SLC5A9: variants seen among roughly 807,000 people sequenced by gnomAD.
The protein encoded by SLC5A9 is solute carrier family 5 member 9, also known as sodium/glucose cotransporter 4.
A neutral mutation model predicts 70.9 loss-of-function variants in SLC5A9; 59 were observed. The observed-to-expected ratio is 0.83, with a 90% CI of 0.68 to 1.03. The LOEUF is 1.03. Ranked by LOEUF, SLC5A9 falls within the 50% of genes least tolerant of loss-of-function variation. The pLI, the probability that SLC5A9 is intolerant of heterozygous loss-of-function variation, is 0.00. For synonymous variants in SLC5A9, 340 were observed against 346.5 expected, an observed-to-expected ratio of 0.98 and a Z score of 0.21; for missense variants, 832 against 881.1, an observed-to-expected ratio of 0.94 and a Z score of 0.71.
rs766963227 is a variant in SLC5A9 at position 48,237,780 on chromosome 1, G to A, written c.1394G>A (p.Ser465Asn). 3 of 1,614,148 alleles carry A rather than the reference G, an allele frequency of 1.9e-6. No individual in the cohort carries two copies. The highest frequency in any genetic ancestry group is 2.5e-6 in the Non-Finnish European group (3 of 1,180,036). Reference sequence around the variant, plus strand: ...TTCGACTACATCCAGGCTGTCACCAGTTACCTGGCCCCACCCATCACCGCT... The same window carrying A: ...TTCGACTACATCCAGGCTGTCACCAATTACCTGGCCCCACCCATCACCGCT... ...QLFDYIQAVT[S>N]YLAPPITALF... The change falls in exon 11 of 14, where the codon AGT (serine) becomes AAT (asparagine). Residue 465 changes from serine (S) to asparagine (N), a missense_variant. Ser to Asn is a conservative substitution (Grantham distance 46). Coordinates refer to ENST00000438567, the MANE Select transcript of SLC5A9 (RefSeq NM_001011547.3).
chr1:48,242,333 G>C (rs935779912), intron 12 of SLC5A9, 124 bp from the exon 13 acceptor site: 11 of 1,178,596 alleles, frequency 9.3e-6, no homozygotes, highest in Admixed American at 4.6e-5. Flanking sequence ...CTGACTCCCA[G>C]CCCTGGCCTT....
intron 1 of SLC5A9, 99 bp from the exon 2 acceptor site, chr1:48,224,625 A>T: frequency 8.4e-7 from 1 of 1,194,772 alleles, no homozygotes; most frequent in Non-Finnish European, 1.2e-6. Flanking sequence ...CTGTGTCCCC[A>T]CAGTGCCTGC....
At chr1:48,230,773 G>A in intron 5 of SLC5A9, 68 bp downstream of exon 5, 1 of 1,185,350 alleles carries the variant, frequency 8.4e-7, no homozygotes, top group Non-Finnish European at 1.2e-6. Context: ...AAGACTGAAG[G>A]AGAGACAACC....
chr1:48,224,668 A>T, intron 1 of SLC5A9, 56 bp from the exon 2 acceptor site: 1 of 1,560,494 alleles, frequency 6.4e-7, no homozygotes, highest in Non-Finnish European at 8.8e-7. Flanking sequence ...GGGAGGGGGC[A>T]GGGCAGAGGT....
chr1:48,231,771 G>A, intron 6 of SLC5A9, 146 bp downstream of exon 6: 1 of 1,506,648 alleles, frequency 6.6e-7, no homozygotes, highest in Non-Finnish European at 8.9e-7. Context: ...CTCCCAAAGA[G>A]CAGGGTTCTC....
chr1:48,230,557 G>T, intron 4 of SLC5A9, 43 bp from the exon 5 acceptor site: 3 of 1,417,128 alleles, frequency 2.1e-6, no homozygotes, highest in South Asian at 1.1e-5. Context: ...ACCCTACTGA[G>T]GGCCTCGGGT....
intron 2 of SLC5A9, chr1:48,228,016 C>T (rs1644189988): frequency 1.3e-5 from 2 of 152,244 alleles, no homozygotes; most frequent in African/African-American, 2.4e-5. Flanking sequence ...CCTTCCTCTC[C>T]CCCTTCTCCC....
chr1:48,237,590 T>A, intron 10 of SLC5A9, 89 bp from the exon 11 acceptor site: 1 of 1,305,160 alleles, frequency 7.7e-7, no homozygotes. Context: ...CCCTTCTTTC[T>A]CCCTTCCTGG....
At chr1:48,243,785 A>T (rs1039707027) in intron 13 of SLC5A9, among the ~76,000 whole-genome samples, 12 of 152,226 alleles carry the variant, frequency 7.9e-5, no homozygotes, top group Non-Finnish European at 4.4e-5. Context: ...AATTCCAAAA[A>T]GTTAAATAAG....
chr1:48,233,360 CAAAAAAAAAAAAAA>C (rs1157245912), intron 8 of SLC5A9, among the ~76,000 whole-genome samples: 1 of 58,714 alleles, frequency 1.7e-5, no homozygotes, highest in Non-Finnish European at 2.8e-5. Context: ...GACTCCATCT[CAAAAAAAAAAAAAA>C]AAAAAAAAAA....
At position 48,235,659 on chromosome 1, in the gene SLC5A9, C is replaced by T. The variant is rs1644315320; in HGVS notation, c.1142-70C>T. The T allele has an allele frequency of 5.7e-6, 9 of 1,579,124 alleles. No individual in the cohort carries two copies. The South Asian group carries it at 6.8e-5, about 12-fold the overall frequency. ...CTCCTGACTCTACAGAATGCTCCAG[C>T]AGCCTCTGTAGTCCTGGAAGAGCCG... On this transcript the variant is annotated intron_variant, in intron 9 of 13. Coordinates refer to ENST00000438567, the MANE Select transcript of SLC5A9 (RefSeq NM_001011547.3).
Position 48,222,842 on chromosome 1 carries a change from TACG to T in SLC5A9, c.109_111del (p.Asp37del), listed in dbSNP as rs1182629314. 1 of 1,614,050 alleles carries T rather than the reference TACG, an allele frequency of 6.2e-7. No individual in the cohort carries two copies. Among genetic ancestry groups the T allele is most frequent in the Non-Finnish European group, 8.5e-7 (1 of 1,180,042 alleles). On this transcript the variant is annotated inframe_deletion, in exon 1 of 14. Transcript: ENST00000438567. The stretch of plus-strand genomic sequence containing the variant: ...GGACTCCAGAGTTGGTCTGCACGCC[TACG>T]ACATCAGCGTGGTGGTCATCTACTT...
At chr1:48,236,624 C>G (rs1310271127) in intron 10 of SLC5A9, among the ~76,000 whole-genome samples, 1 of 152,200 alleles carries the variant, frequency 6.6e-6, no homozygotes, top group East Asian at 1.9e-4. Context: ...CGAAGGTTCC[C>G]TAACTTGGAT....
intron 9 of SLC5A9, 135 bp downstream of exon 9, chr1:48,233,897 A>C: frequency 1.5e-6 from 1 of 666,454 alleles, no homozygotes; most frequent in Non-Finnish European, 2.7e-6. Flanking sequence ...CCATCCCAAC[A>C]CATACACACA....
In SLC5A9 at chr1:48,239,435, G is replaced by T; in HGVS notation, c.1575G>T (p.Leu525=). Residue 525 remains leucine (L), a synonymous_variant, in exon 12 of 14, where the codon CTG becomes CTT. Transcript: ENST00000438567. This position sits in a 1 kb window ranked among gnomAD's most constrained non-coding sequence, Gnocchi z 4.2. ...AGGTGGACCGGAGGCCAGCAGTGCT[G>T]AAGGACTTCCACTACCTGTACTTTG... ...CGEVDRRPAV[L]KDFHYLYFAI... The T allele has an allele frequency of 6.2e-7, 1 of 1,614,208 alleles. No individual in the cohort carries two copies.
rs1264812211 is a variant in SLC5A9, at chr1:48,222,779, G to A, written c.43G>A (p.Asp15Asn). Reference protein sequence around the residue: ...LAAMGPGASGDGVRTETAPHI... With the variant: ...LAAMGPGASGNGVRTETAPHI... Reference sequence around the variant, plus strand: ...AGCAATGGGGCCTGGAGCTTCAGGGGACGGGGTCAGGACTGAGACAGCTCC... The same window carrying A: ...AGCAATGGGGCCTGGAGCTTCAGGGAACGGGGTCAGGACTGAGACAGCTCC... Residue 15 changes from aspartate (D) to asparagine (N), a missense_variant, in exon 1 of 14, where the codon GAC becomes AAC. By Grantham distance (23) the Asp-to-Asn change is conservative. Transcript: ENST00000438567. 4 of 1,614,182 alleles carry A rather than the reference G, an allele frequency of 2.5e-6. No homozygotes were observed. The Admixed American group carries it at 6.7e-5, about 27-fold the overall frequency.
At chr1:48,232,643 T>G (rs115154824) in intron 8 of SLC5A9, 141 bp downstream of exon 8, 3 of 1,121,876 alleles carry the variant, frequency 2.7e-6, no homozygotes, top group Non-Finnish European at 2.5e-6. Context: ...TAGCCGGTCA[T>G]GGTGGCATGC....
Position 48,242,569 on chromosome 1 carries a change from G to A in SLC5A9, c.1790G>A (p.Gly597Glu). 6.2e-7 allele frequency: 1 copy of A among 1,613,352 alleles called. No individual in the cohort carries two copies. Among genetic ancestry groups the A allele is most frequent in the Non-Finnish European group, 8.5e-7 (1 of 1,179,670 alleles). Residue 597 changes from glycine (G) to glutamate (E), a missense_variant, in exon 13 of 14, where the codon GGA becomes GAA. By Grantham distance (98) the Gly-to-Glu change is moderately conservative. Coordinates refer to ENST00000438567, the MANE Select transcript of SLC5A9 (RefSeq NM_001011547.3). ...SERPAGECPA[G>E]GGAAENSSLG... ...AGGCCAGCCGGGGAGTGCCCTGCAG[G>A]AGGTGGAGCGGCAGAGAACTCGAGC...
rs1279999923 is a variant in SLC5A9 at position 48,233,725 on chromosome 1, T to G, written c.1104T>G (p.Ile368Met). 3 of 1,614,090 alleles carry G rather than the reference T, an allele frequency of 1.9e-6. No individual in the cohort carries two copies. The change falls in exon 9 of 14, where the codon ATT (isoleucine) becomes ATG (methionine). Residue 368 changes from isoleucine (I) to methionine (M), a missense_variant. Physicochemically the swap from Ile to Met is conservative, Grantham distance 10. Transcript: ENST00000438567. ...ICGARVGCSN[I>M]AYPKLVMALM... ...GGGCCCGAGTGGGATGTTCCAACATTGCCTACCCTAAGTTGGTCATGGCCC... is the reference window on the plus strand; with the variant it reads ...GGGCCCGAGTGGGATGTTCCAACATGGCCTACCCTAAGTTGGTCATGGCCC...
Sources: gnomAD v4.1 joint callset for allele counts (sites outside exome capture counted in the v4.1 genomes callset) on GRCh38, gnomAD v4.1.1 for gene constraint, Gnocchi (gnomAD v3.1) non-coding constraint, MANE v1.5 for transcripts, NCBI Gene and HGNC (gene_info 2026-07-23, HGNC 2026-07-21) for gene names.